MAML2: variants seen among roughly 807,000 people sequenced by gnomAD.
MAML2 encodes the protein mastermind-like protein 2.
Under a neutral mutation model 96.1 loss-of-function variants are expected in MAML2, and 22 were observed. The ratio of observed to expected loss-of-function variants is 0.23; its 90% CI spans 0.16 to 0.33. The LOEUF (loss-of-function observed/expected upper bound fraction) is 0.33, where lower values mean the gene tolerates loss of function less well. Ranked by LOEUF, MAML2 falls within the 10% of genes least tolerant of loss-of-function variation. The pLI, the probability that MAML2 is intolerant of heterozygous loss-of-function variation, is 1.00. For synonymous variants in MAML2, 561 were observed against 521.3 expected (o/e 1.08, Z -1.04); for missense variants, 1,367 against 1,392.4 (o/e 0.98, Z 0.29).
At chr11:96,019,678 TAA>T (rs1491050620) in intron 2 of MAML2, among the ~76,000 whole-genome samples, 1 of 2,212 alleles carries the variant, frequency 4.5e-4, no homozygotes, top group Non-Finnish European at 6.1e-4. Context: ...GGGCTGATAA[TAA>T]TAATTATAAT....
intron 1 of MAML2, among the ~76,000 whole-genome samples, chr11:96,290,109 T>C (rs1417128621): frequency 6.6e-6 from 1 of 152,222 alleles, no homozygotes; most frequent in Non-Finnish European, 1.5e-5. Flanking sequence ...GGCTGGTGCC[T>C]ATTTTGTCCT....
intron 2 of MAML2, among the ~76,000 whole-genome samples, chr11:96,047,930 A>AAAAAAAAAAAAAAAAAAAAAG (rs1555001442): frequency 1.1e-4 from 14 of 127,398 alleles, no homozygotes; most frequent in East Asian, 4.9e-4. Flanking sequence ...AAAAAAAAAA[A>AAAAAAAAAAAAAAAAAAAAAG]AAAAGAAAAA....
intron 1 of MAML2, among the ~76,000 whole-genome samples, chr11:96,213,337 T>C (rs1861998720): frequency 6.6e-6 from 1 of 152,212 alleles, no homozygotes; most frequent in South Asian, 2.1e-4. Flanking sequence ...CCTACAACTA[T>C]ACGCCCAGTA....
intron 1 of MAML2, among the ~76,000 whole-genome samples, chr11:96,327,404 ATCT>A (rs1353071715): frequency 3.9e-5 from 6 of 152,092 alleles, no homozygotes; most frequent in African/African-American, 1.4e-4. Context: ...TTCAAAACTG[ATCT>A]TCTTTCCCAT....
intron 2 of MAML2, among the ~76,000 whole-genome samples, chr11:96,023,835 C>T (rs1858473684): frequency 6.6e-6 from 1 of 152,118 alleles, no homozygotes; most frequent in South Asian, 2.1e-4. Flanking sequence ...GTTAGGGAAG[C>T]TGGAGAAATG....
chr11:96,260,715 T>C (rs1862737484), intron 1 of MAML2, among the ~76,000 whole-genome samples: 1 of 151,880 alleles, frequency 6.6e-6, no homozygotes, highest in Admixed American at 6.6e-5. Context: ...AGAAATATTG[T>C]AGTGTGTGTG....
At chr11:96,279,288 A>T (rs1268613812) in intron 1 of MAML2, among the ~76,000 whole-genome samples, 1 of 152,198 alleles carries the variant, frequency 6.6e-6, no homozygotes, top group Non-Finnish European at 1.5e-5. Context: ...GAGTGAGAAG[A>T]TCCATTTTAA....
At chr11:96,165,313 G>A (rs1276415819) in intron 1 of MAML2, among the ~76,000 whole-genome samples, 1 of 152,128 alleles carries the variant, frequency 6.6e-6, no homozygotes, top group African/African-American at 2.4e-5. Flanking sequence ...CCGATGTGGT[G>A]GCTTTAGGGC....
intron 2 of MAML2, among the ~76,000 whole-genome samples, chr11:96,072,732 T>C (rs1000036314): frequency 6.6e-6 from 1 of 152,214 alleles, no homozygotes; most frequent in African/African-American, 2.4e-5. Context: ...GAACCCTGGA[T>C]GGGACCAGAG....
At chr11:96,061,211 C>G (rs1291882741) in intron 2 of MAML2, among the ~76,000 whole-genome samples, 2 of 152,132 alleles carry the variant, frequency 1.3e-5, no homozygotes, top group African/African-American at 4.8e-5. Flanking sequence ...ATTTAGAAAT[C>G]CTGTGAATTT....
At chr11:96,272,466 C>T (rs890072397) in intron 1 of MAML2, among the ~76,000 whole-genome samples, 6 of 152,062 alleles carry the variant, frequency 3.9e-5, no homozygotes, top group African/African-American at 1.4e-4. Flanking sequence ...ACTGCCTGAA[C>T]CTAAAAAGTT....
At chr11:96,175,338 A>G (rs1055998233) in intron 1 of MAML2, among the ~76,000 whole-genome samples, 4 of 152,212 alleles carry the variant, frequency 2.6e-5, no homozygotes, top group Non-Finnish European at 5.9e-5. Flanking sequence ...ATGCAAGCCA[A>G]CAAAAATCTC....
At chr11:96,031,972 C>T (rs1001408589) in intron 2 of MAML2, among the ~76,000 whole-genome samples, 16 of 151,572 alleles carry the variant, frequency 1.1e-4, no homozygotes, top group Non-Finnish European at 1.8e-4. Context: ...GGTGACAGAG[C>T]GAGACTCTGT....
At chr11:96,206,011 A>G (rs1014149545) in intron 1 of MAML2, among the ~76,000 whole-genome samples, 1 of 152,162 alleles carries the variant, frequency 6.6e-6, no homozygotes, top group East Asian at 1.9e-4. Flanking sequence ...CTTTGGTAAA[A>G]ATGATGCCTT....
At chr11:96,199,424 G>GA (rs1321596978) in intron 1 of MAML2, among the ~76,000 whole-genome samples, 2 of 151,388 alleles carry the variant, frequency 1.3e-5, no homozygotes, top group African/African-American at 2.4e-5. Flanking sequence ...ACAAGAGACA[G>GA]AAAAAAAATT....
intron 2 of MAML2, among the ~76,000 whole-genome samples, chr11:96,020,456 C>G (rs530337460): frequency 9.8e-5 from 15 of 152,298 alleles, no homozygotes; most frequent in African/African-American, 3.1e-4. Flanking sequence ...TCAGCTAGGT[C>G]AGGACTTTGC....
intron 1 of MAML2, among the ~76,000 whole-genome samples, chr11:96,145,377 G>A (rs372986183): frequency 1.3e-5 from 2 of 152,280 alleles, no homozygotes; most frequent in South Asian, 2.1e-4. Context: ...CTCTATCTCT[G>A]CAAAAATCTC....
intron 2 of MAML2, among the ~76,000 whole-genome samples, chr11:96,017,348 C>A (rs1858370049): frequency 6.6e-6 from 1 of 151,534 alleles, no homozygotes; most frequent in Non-Finnish European, 1.5e-5. Flanking sequence ...TGAGAGATTA[C>A]CCCTCCCTCC....
intron 2 of MAML2, among the ~76,000 whole-genome samples, chr11:96,011,532 A>T (rs553904520): frequency 3.3e-5 from 5 of 152,310 alleles, no homozygotes; most frequent in African/African-American, 1.2e-4. Flanking sequence ...ACACATGGAC[A>T]TAAAGCTGGG....
Sources: gnomAD v4.1 joint callset for allele counts (sites outside exome capture counted in the v4.1 genomes callset) on GRCh38, gnomAD v4.1.1 for gene constraint, MANE v1.5 for transcripts, NCBI Gene and HGNC (gene_info 2026-07-23, HGNC 2026-07-21) for gene names.